Variants in MARCHF1 observed in about 807,000 individuals in gnomAD.
MARCHF1 encodes E3 ubiquitin-protein ligase MARCHF1.
A neutral mutation model predicts 54.2 loss-of-function variants in MARCHF1; 40 were observed. The observed-to-expected ratio is 0.74, with a 90% CI of 0.57 to 0.96. MARCHF1 has a LOEUF of 0.96. MARCHF1 is among the 40% of genes least tolerant of loss of function. MARCHF1 has a pLI of 0.00. For missense variants in MARCHF1, 586 were observed against 656.5 expected (o/e 0.89, Z 1.17); for synonymous variants, 236 against 236.3 (o/e 1.00, Z 0.01).
chr4:163,925,229 A>G (rs1751512286), intron 3 of MARCHF1, among the ~76,000 whole-genome samples: 1 of 148,906 alleles, frequency 6.7e-6, no homozygotes, highest in Non-Finnish European at 1.5e-5. Flanking sequence ...AAGATTAATA[A>G]GAAAAAAACA....
At chr4:163,874,509 T>G (rs908089943) in intron 3 of MARCHF1, among the ~76,000 whole-genome samples, 3 of 152,074 alleles carry the variant, frequency 2.0e-5, no homozygotes, top group African/African-American at 7.2e-5. Flanking sequence ...CTTGATTTTT[T>G]TTTAAAGTCT....
intron 1 of MARCHF1, among the ~76,000 whole-genome samples, chr4:164,377,544 C>T (rs980938971): frequency 9.9e-5 from 15 of 151,932 alleles, no homozygotes; most frequent in African/African-American, 3.1e-4. Context: ...TAGAATGATT[C>T]GTTAACCATG....
intron 5 of MARCHF1, among the ~76,000 whole-genome samples, chr4:163,649,956 A>T (rs1188702436): frequency 6.6e-6 from 1 of 152,010 alleles, no homozygotes; most frequent in East Asian, 1.9e-4. Context: ...TGACTCAGCA[A>T]GTCAGAAGTC....
In MARCHF1 at chr4:164,274,659, CTT is replaced by C. The variant is rs70952617; in HGVS notation, c.-323+109209_-323+109210del. Reference sequence around the variant, plus strand: ...CGCTTGATGTGTGCTTCAGGGTACACTTTTTTTTTTTTTTTTTTTTTTTTTTT... The same window carrying C: ...CGCTTGATGTGTGCTTCAGGGTACACTTTTTTTTTTTTTTTTTTTTTTTTT... On this transcript the variant is annotated intron_variant, in intron 1 of 9. Coordinates refer to ENST00000514618, the MANE Select transcript of MARCHF1 (RefSeq NM_001394959.1). Among the ~76,000 whole-genome samples the C allele has an allele frequency of 2.5e-3, 113 of 44,648 alleles. 14 individuals carry two copies. Among genetic ancestry groups the C allele is most frequent in the Non-Finnish European group, 3.5e-3 (72 of 20,624 alleles). The allele number at this position is 44,648 out of a possible 152,430, so 29.3% of individuals were successfully genotyped here. A position where few individuals can be genotyped will look rare whatever the true frequency, so the allele number is the denominator to read the frequency against.
chr4:164,342,050 C>T (rs1048962197), intron 1 of MARCHF1, among the ~76,000 whole-genome samples: 6 of 151,904 alleles, frequency 3.9e-5, no homozygotes, highest in Non-Finnish European at 5.9e-5. Flanking sequence ...TTGCAAACCC[C>T]GTATCCACTA....
At chr4:164,235,805 G>A (rs1732536082) in intron 1 of MARCHF1, among the ~76,000 whole-genome samples, 1 of 152,016 alleles carries the variant, frequency 6.6e-6, no homozygotes, top group African/African-American at 2.4e-5. Flanking sequence ...TACTACTCGG[G>A]TGATGGGTGT....
intron 1 of MARCHF1, among the ~76,000 whole-genome samples, chr4:164,356,985 G>A (rs1451561696): frequency 6.6e-6 from 1 of 151,742 alleles, no homozygotes; most frequent in Non-Finnish European, 1.5e-5. Flanking sequence ...GTAGGAGGCA[G>A]GAGGGGATCA....
intron 4 of MARCHF1, among the ~76,000 whole-genome samples, chr4:163,828,054 C>CACAGAGAGAG (rs774603753): frequency 6.7e-6 from 1 of 148,204 alleles, no homozygotes; most frequent in Admixed American, 6.8e-5. Flanking sequence ...CACACACACA[C>CACAGAGAGAG]AGACACACCT....
intron 3 of MARCHF1, among the ~76,000 whole-genome samples, chr4:163,867,491 CTT>C (rs1560795461): frequency 1.3e-5 from 2 of 151,438 alleles, no homozygotes. Flanking sequence ...TAATAATAAA[CTT>C]ATTATATATA....
At chr4:164,079,117 T>A (rs1755041472) in intron 2 of MARCHF1, among the ~76,000 whole-genome samples, 1 of 152,172 alleles carries the variant, frequency 6.6e-6, no homozygotes, top group Admixed American at 6.6e-5. Flanking sequence ...CTTATTCATA[T>A]TTTTTCCTCT....
At position 163,929,769 on chromosome 4, in the gene MARCHF1, A is replaced by AT. The variant is rs550049207; in HGVS notation, c.-39+58731dup. Among the ~76,000 whole-genome samples the AT allele has an allele frequency of 3.5e-4, 53 of 150,518 alleles. 2 individuals carry two copies. Among genetic ancestry groups the AT allele is most frequent in the African/African-American group, 1.3e-3 (52 of 41,020 alleles). On this transcript the variant is annotated intron_variant, in intron 3 of 9. Coordinates refer to ENST00000514618, the MANE Select transcript of MARCHF1 (RefSeq NM_001394959.1). ...AGTGATTTGTTCCAGGCCACATGAC[A>AT]TTTTTTGCAGGGCAGGACTAGATCC...
rs13106294 is a variant in MARCHF1 at position 164,339,657 on chromosome 4, A to G, written c.-323+44213T>C. Among the ~76,000 whole-genome samples, 830 of 152,304 alleles carry G rather than the reference A, an allele frequency of 5.4e-3. 7 individuals are homozygous for G. The highest frequency in any genetic ancestry group is 0.031 in the Middle Eastern group (9 of 294). On this transcript the variant is annotated intron_variant, in intron 1 of 9. Transcript: ENST00000514618. ...ATAAACAACCTAACTTCACACCTTC[A>G]GGAATTTTTTAAAAAGTAAATAAAC...
At chr4:163,901,756 G>T (rs371806654) in intron 3 of MARCHF1, among the ~76,000 whole-genome samples, 11 of 152,108 alleles carry the variant, frequency 7.2e-5, no homozygotes, top group East Asian at 5.8e-4. Context: ...CAAAATTTAT[G>T]GAAACAACCA....
chr4:163,902,714 T>C (rs1256151455), intron 3 of MARCHF1, among the ~76,000 whole-genome samples: 1 of 152,224 alleles, frequency 6.6e-6, no homozygotes, highest in Non-Finnish European at 1.5e-5. Flanking sequence ...AATCATAATT[T>C]AATCTTTGTT....
chr4:163,576,442 C>T (rs1187217824), intron 8 of MARCHF1, among the ~76,000 whole-genome samples: 1 of 151,920 alleles, frequency 6.6e-6, no homozygotes, highest in South Asian at 2.1e-4. Flanking sequence ...TTTATTGAGA[C>T]TTCTGCTTTA....
chr4:163,987,208 G>A (rs1752886271), intron 3 of MARCHF1, among the ~76,000 whole-genome samples: 1 of 152,122 alleles, frequency 6.6e-6, no homozygotes, highest in African/African-American at 2.4e-5. Context: ...GAGCATTCTG[G>A]GCTGCTGAAG....
chr4:163,537,693 A>C (rs1478098534), intron 9 of MARCHF1, among the ~76,000 whole-genome samples: 2 of 152,192 alleles, frequency 1.3e-5, no homozygotes, highest in Non-Finnish European at 2.9e-5. Flanking sequence ...CTTGGACAGC[A>C]ATTAAAAGAG....
chr4:163,634,901 C>T (rs1742257446), intron 5 of MARCHF1, among the ~76,000 whole-genome samples: 1 of 130,104 alleles, frequency 7.7e-6, no homozygotes, highest in Non-Finnish European at 1.6e-5. Flanking sequence ...AACTATCTCT[C>T]AGACCACAGT....
rs76428832 is a variant in MARCHF1, at chr4:163,924,413, T to A, written c.-39+64088A>T. The stretch of plus-strand genomic sequence containing the variant: ...AATGTGGACAAAACACCTCAGAAAG[T>A]GTGGCATAATACATCAGGTTCATGG... On this transcript the variant is annotated intron_variant, in intron 3 of 9. Coordinates refer to ENST00000514618, the MANE Select transcript of MARCHF1 (RefSeq NM_001394959.1). 0.017 allele frequency among the ~76,000 whole-genome samples: 2,645 copies of A among 151,968 alleles called. 138 individuals are homozygous for A. The East Asian group carries it at 0.19, about 11-fold the overall frequency.
Sources: allele counts gnomAD v4.1 joint callset (sites outside exome capture counted in the v4.1 genomes callset), GRCh38; gene constraint gnomAD v4.1.1; transcripts MANE v1.5; gene names NCBI Gene and HGNC (gene_info 2026-07-23, HGNC 2026-07-21).